The following BSN variants were observed in gnomAD, a reference collection of about 807,000 sequenced individuals.
BSN encodes protein bassoon.
BSN carries 57 observed loss-of-function variants against 264.8 expected under a neutral mutation model. That is an observed-to-expected ratio of 0.22 (90% CI 0.17 to 0.27). BSN has a LOEUF of 0.27. Ranked by LOEUF, BSN falls within the 10% of genes least tolerant of loss-of-function variation. The pLI, the probability that BSN is intolerant of heterozygous loss-of-function variation, is 1.00. For synonymous variants in BSN, 2,059 were observed against 2,137.3 expected, an observed-to-expected ratio of 0.96 and a Z score of 1.01; for missense variants, 4,615 against 5,232.5, an observed-to-expected ratio of 0.88 and a Z score of 3.64.
At chr3:49,558,074 T>G (rs775662120) in intron 1 of BSN, among the ~76,000 whole-genome samples, 3 of 152,176 alleles carry the variant, frequency 2.0e-5, no homozygotes, top group Non-Finnish European at 4.4e-5. Flanking sequence ...AGAGAGACAC[T>G]GTGGGCAGCT....
At chr3:49,639,112 G>T (rs1441805801) in intron 2 of BSN, among the ~76,000 whole-genome samples, 1 of 152,090 alleles carries the variant, frequency 6.6e-6, no homozygotes, top group Non-Finnish European at 1.5e-5. Flanking sequence ...GAGGTCTTTA[G>T]ACTGGGTTCA....
At chr3:49,573,081 A>G (rs1186023277) in intron 1 of BSN, among the ~76,000 whole-genome samples, 3 of 152,234 alleles carry the variant, frequency 2.0e-5, no homozygotes, top group African/African-American at 7.2e-5. Flanking sequence ...GTGCAGCCCT[A>G]TTCTCAAGGA....
chr3:49,565,144 C>CTTTT (rs971015437), intron 1 of BSN, among the ~76,000 whole-genome samples: 26 of 104,580 alleles, frequency 2.5e-4, no homozygotes, highest in Non-Finnish European at 3.9e-4. Flanking sequence ...AGAGGATTTT[C>CTTTT]TTTTTTTTTT....
rs1317529866 is a variant in BSN, at chr3:49,651,796, A to G, written c.2240A>G (p.Lys747Arg). Residue 747 changes from lysine to arginine, a missense_variant, in exon 5 of 12, where the codon AAG (lysine) becomes AGG (arginine). By Grantham distance (26) the Lys-to-Arg change is conservative. Around this residue, in one of 3 missense-constraint regions of BSN, gnomAD observed 1,197 missense variants for 1,348.0 expected, o/e 0.89. Coordinates refer to ENST00000296452, the MANE Select transcript of BSN (RefSeq NM_003458.4). The surrounding 1 kb of genome is among the most constrained non-coding windows in gnomAD (Gnocchi z 5.4). ...AQGLAPSERS[K>R]PLSSGTGEEQ... ...GGCCTGGCCCCAAGTGAGCGGAGCA[A>G]GCCACTCTCCAGCGGTACTGGCGAG... 6.2e-7 allele frequency: 1 copy of G among 1,613,720 alleles called. No homozygotes were observed. The highest frequency in any genetic ancestry group is 1.7e-5 in the Admixed American group (1 of 60,026).
chr3:49,590,939 G>A (rs1022217870), intron 1 of BSN, among the ~76,000 whole-genome samples: 5 of 151,706 alleles, frequency 3.3e-5, no homozygotes, highest in African/African-American at 4.8e-5. Context: ...GTGAAACCCC[G>A]TCTCTACCAA....
Position 49,652,353 on chromosome 3 carries a change from A to G in BSN, c.2797A>G (p.Thr933Ala). The G allele has an allele frequency of 6.2e-7, 1 of 1,605,760 alleles. No individual in the cohort carries two copies. Among genetic ancestry groups the G allele is most frequent in the Middle Eastern group, 1.7e-4 (1 of 6,012 alleles). ...TLQGGLRRFK[T>A]IELNSTGSYG... ...GCAGGGTGGGCTCCGTCGCTTCAAG[A>G]CCATTGAGCTCAACAGCACGGGAAG... The change falls in exon 5 of 12, where the codon ACC (threonine) becomes GCC (alanine). Residue 933 changes from threonine to alanine, a missense_variant. Physicochemically the swap from Thr to Ala is moderately conservative, Grantham distance 58. This residue lies in a region of BSN where 1,197 missense variants were observed against 1,348.0 expected (regional missense o/e 0.89). Transcript: ENST00000296452.
At position 49,658,001 on chromosome 3, in the gene BSN, G is replaced by C. The variant is rs1265146206; in HGVS notation, c.8445G>C (p.Glu2815Asp). Residue 2815 changes from glutamate to aspartate, a missense_variant, in exon 5 of 12, where the codon GAG (glutamate) becomes GAC (aspartate). By Grantham distance (45) the Glu-to-Asp change is conservative. Around this residue, in one of 3 missense-constraint regions of BSN, gnomAD observed 3,415 missense variants for 3,866.4 expected, o/e 0.88. Coordinates refer to ENST00000296452, the MANE Select transcript of BSN (RefSeq NM_003458.4). ...RLLDTSFASS[E>D]RLNKAHVSPQ... Reference sequence around the variant, plus strand: ...TGGACACCTCCTTTGCTTCCAGTGAGAGGCTGAACAAAGCTCACGTGAGTC... The same window carrying C: ...TGGACACCTCCTTTGCTTCCAGTGACAGGCTGAACAAAGCTCACGTGAGTC... 1.2e-6 allele frequency: 2 copies of C among 1,613,144 alleles called. No individual in the cohort carries two copies. Among genetic ancestry groups the C allele is most frequent in the Non-Finnish European group, 1.7e-6 (2 of 1,179,494 alleles).
At chr3:49,578,514 TCTC>T in intron 1 of BSN, among the ~76,000 whole-genome samples, 1 of 152,000 alleles carries the variant, frequency 6.6e-6, no homozygotes, top group Non-Finnish European at 1.5e-5. Flanking sequence ...TTCACGCCAT[TCTC>T]CTGCCTCAGC....
intron 1 of BSN, among the ~76,000 whole-genome samples, chr3:49,597,581 T>C (rs977047832): frequency 6.6e-6 from 1 of 152,216 alleles, no homozygotes; most frequent in African/African-American, 2.4e-5. Flanking sequence ...TCCTCCTGCG[T>C]TGGCCTCTCA....
At chr3:49,574,416 G>C (rs984489946) in intron 1 of BSN, among the ~76,000 whole-genome samples, 3 of 152,122 alleles carry the variant, frequency 2.0e-5, no homozygotes, top group African/African-American at 7.2e-5. Context: ...CATTGCAGGG[G>C]TGGGGGCAGG....
At chr3:49,609,089 CTTTTTTTTTT>C (rs35003449) in intron 1 of BSN, among the ~76,000 whole-genome samples, 6 of 89,036 alleles carry the variant, frequency 6.7e-5, no homozygotes, top group African/African-American at 1.3e-4. Context: ...GTTAAATTGA[CTTTTTTTTTT>C]TTTTTTTTTT....
intron 1 of BSN, among the ~76,000 whole-genome samples, chr3:49,563,907 C>T (rs1420336876): frequency 1.3e-5 from 2 of 152,176 alleles, no homozygotes; most frequent in African/African-American, 4.8e-5. Context: ...CCTTACACCT[C>T]CTATCTGCTG....
chr3:49,672,122 T>C (rs543319441), downstream of BSN, among the ~76,000 whole-genome samples: 4 of 151,880 alleles, frequency 2.6e-5, no homozygotes, highest in South Asian at 2.1e-4. Flanking sequence ...TGCGTGTCCT[T>C]CTTTCCTGTT....
chr3:49,595,946 A>T (rs1199046834), intron 1 of BSN, among the ~76,000 whole-genome samples: 1 of 152,032 alleles, frequency 6.6e-6, no homozygotes, highest in African/African-American at 2.4e-5. Context: ...ATGTAGTTTT[A>T]TTTCTTCCTT....
rs1245629090 is a variant in BSN, at chr3:49,651,928, G to C, written c.2372G>C (p.Arg791Thr). 1.9e-6 allele frequency: 3 copies of C among 1,613,620 alleles called. No individual in the cohort carries two copies. The highest frequency in any genetic ancestry group is 1.7e-6 in the Non-Finnish European group (2 of 1,179,944). Reference protein sequence around the residue: ...LEEDEDSAEWRRRREQQDTAE... With the variant: ...LEEDEDSAEWTRRREQQDTAE... Reference sequence around the variant, plus strand: ...GAAGACGAAGACTCTGCTGAGTGGAGGCGCCGGAGAGAGCAGCAGGACACT... The same window carrying C: ...GAAGACGAAGACTCTGCTGAGTGGACGCGCCGGAGAGAGCAGCAGGACACT... The change falls in exon 5 of 12, where the codon AGG becomes ACG. Residue 791 changes from arginine (R) to threonine (T), a missense_variant. Around this residue, in one of 3 missense-constraint regions of BSN, gnomAD observed 1,197 missense variants for 1,348.0 expected, o/e 0.89. Transcript: ENST00000296452. This position sits in a 1 kb window ranked among gnomAD's most constrained non-coding sequence, Gnocchi z 5.4.
At chr3:49,604,298 A>G (rs1451398027) in intron 1 of BSN, among the ~76,000 whole-genome samples, 1 of 152,128 alleles carries the variant, frequency 6.6e-6, no homozygotes, top group Non-Finnish European at 1.5e-5. Context: ...TTGTTTAGCC[A>G]TCACCACCAT....
rs751922844 is a variant in BSN at position 49,652,838 on chromosome 3, C to A, written c.3282C>A (p.Pro1094=). 2.6e-5 allele frequency: 41 copies of A among 1,594,798 alleles called. No homozygotes were observed. The highest frequency in any genetic ancestry group is 3.5e-5 in the Non-Finnish European group (41 of 1,169,730). The change falls in exon 5 of 12, where the codon CCC becomes CCA. Residue 1094 remains proline (P), a synonymous_variant. Transcript: ENST00000296452. ...GGCGAGAGCGCTCCAAGACACCACC[C>A]AGTAACTTGTCACCCATCGAGGATG... ...QRRRERSKTP[P]SNLSPIEDAS...
chr3:49,664,557 A>C lies in BSN; in HGVS notation c.11740+3A>C, dbSNP rs749434962. 1.3e-6 allele frequency: 2 copies of C among 1,595,856 alleles called. No individual in the cohort carries two copies. The highest frequency in any genetic ancestry group is 1.7e-6 in the Non-Finnish European group (2 of 1,171,710). The stretch of plus-strand genomic sequence containing the variant: ...GCAAGCTGGCAAACTGACGGAAGGT[A>C]TGCACTGCCTGCAACTGGTCTGTGG... On this transcript the variant is annotated splice_donor_region_variant and intron_variant, in intron 9 of 11. Coordinates refer to ENST00000296452, the MANE Select transcript of BSN (RefSeq NM_003458.4).
chr3:49,656,888 G>A lies in BSN; in HGVS notation c.7332G>A (p.Gln2444=). 1 of 1,601,028 alleles carries A rather than the reference G, an allele frequency of 6.2e-7. No individual in the cohort carries two copies. Among genetic ancestry groups the A allele is most frequent in the South Asian group, 1.1e-5 (1 of 89,576 alleles). The change falls in exon 5 of 12, where the codon CAG becomes CAA. Residue 2444 remains glutamine (Q), a synonymous_variant. Coordinates refer to ENST00000296452, the MANE Select transcript of BSN (RefSeq NM_003458.4). Reference sequence around the variant, plus strand: ...CTCAATTTGCACTGCAGCGGGAACAGCTAGCGCAGCAGCGTCTGCAGCTGG... The same window carrying A: ...CTCAATTTGCACTGCAGCGGGAACAACTAGCGCAGCAGCGTCTGCAGCTGG... ...RQAQFALQRE[Q]LAQQRLQLEQ...
Sources: gnomAD v4.1 joint callset for allele counts (sites outside exome capture counted in the v4.1 genomes callset) on GRCh38, gnomAD v4.1.1 for gene constraint, gnomAD v4.1.1 regional missense constraint, Gnocchi (gnomAD v3.1) non-coding constraint, MANE v1.5 for transcripts, NCBI Gene and HGNC (gene_info 2026-07-23, HGNC 2026-07-21) for gene names.